SYT14: variants seen among roughly 807,000 people sequenced by gnomAD.
The protein encoded by SYT14 is synaptotagmin 14, also known as synaptotagmin-14.
Under a neutral mutation model 74.2 loss-of-function variants are expected in SYT14, and 32 were observed. The observed-to-expected ratio is 0.43, with a 90% confidence interval of 0.33 to 0.58. The LOEUF is 0.58. Among genes scored for constraint, SYT14 ranks in the 20% least tolerant of loss-of-function variants. The pLI, the probability that SYT14 is intolerant of heterozygous loss-of-function variation, is 0.05. For missense variants in SYT14, 791 were observed against 981.8 expected, an observed-to-expected ratio of 0.81 and a Z score of 2.60; for synonymous variants, 298 against 337.7, an observed-to-expected ratio of 0.88 and a Z score of 1.29.
At chr1:210,034,089 A>G (rs2080601013) in intron 5 of SYT14, among the ~76,000 whole-genome samples, 1 of 151,848 alleles carries the variant, frequency 6.6e-6, no homozygotes, top group Non-Finnish European at 1.5e-5. Flanking sequence ...TATTGTAAAC[A>G]TTTTACATAA....
intron 2 of SYT14, among the ~76,000 whole-genome samples, chr1:209,967,453 C>G (rs910967178): frequency 1.3e-5 from 2 of 152,036 alleles, no homozygotes; most frequent in Admixed American, 1.3e-4. Context: ...CATAAACCTT[C>G]TTTATGGGAA....
intron 7 of SYT14, among the ~76,000 whole-genome samples, chr1:210,100,780 A>C (rs1414335233): frequency 6.8e-6 from 1 of 146,566 alleles, no homozygotes; most frequent in Non-Finnish European, 1.5e-5. Flanking sequence ...CAAACTCCTT[A>C]TAGAATTTAT....
intron 2 of SYT14, among the ~76,000 whole-genome samples, chr1:209,983,871 T>C (rs1254172649): frequency 1.3e-5 from 2 of 152,236 alleles, no homozygotes. Context: ...TTTCTCATTT[T>C]TGGTTAGTAG....
At chr1:210,012,701 T>G (rs1346544059) in intron 2 of SYT14, among the ~76,000 whole-genome samples, 1 of 151,916 alleles carries the variant, frequency 6.6e-6, no homozygotes, top group African/African-American at 2.4e-5. Context: ...TTTTTCTTTC[T>G]TTCTTTCTTT....
chr1:210,137,754 C>G (rs1205019571), intron 7 of SYT14, among the ~76,000 whole-genome samples: 1 of 149,994 alleles, frequency 6.7e-6, no homozygotes, highest in Non-Finnish European at 1.5e-5. Context: ...AATCTCACCT[C>G]ACTGCAACCT....
At chr1:210,059,403 T>C (rs2081159140) in intron 5 of SYT14, among the ~76,000 whole-genome samples, 1 of 144,018 alleles carries the variant, frequency 6.9e-6, no homozygotes, top group African/African-American at 2.6e-5. Context: ...TATATATACC[T>C]GTATATGCAT....
chr1:210,003,313 T>C (rs896112945), intron 2 of SYT14, among the ~76,000 whole-genome samples: 1 of 152,202 alleles, frequency 6.6e-6, no homozygotes, highest in Non-Finnish European at 1.5e-5. Context: ...ACTTTTAAAA[T>C]AATTCTTGGT....
At chr1:210,130,978 T>C (rs2082661916) in intron 7 of SYT14, among the ~76,000 whole-genome samples, 1 of 152,228 alleles carries the variant, frequency 6.6e-6, no homozygotes, top group African/African-American at 2.4e-5. Context: ...AACAGTCTGT[T>C]TTGTGGCATA....
At chr1:210,081,062 A>T (rs2081606708) in intron 5 of SYT14, among the ~76,000 whole-genome samples, 1 of 152,336 alleles carries the variant, frequency 6.6e-6, no homozygotes, top group Admixed American at 6.5e-5. Flanking sequence ...ACCATAGCGC[A>T]TTGAGGAAAT....
At chr1:210,127,201 T>C (rs2082585793) in intron 7 of SYT14, among the ~76,000 whole-genome samples, 1 of 152,224 alleles carries the variant, frequency 6.6e-6, no homozygotes, top group Admixed American at 6.5e-5. Context: ...TAGGAGAACG[T>C]AAGTACCACT....
intron 7 of SYT14, among the ~76,000 whole-genome samples, chr1:210,145,226 C>G (rs1558220228): frequency 6.6e-6 from 1 of 152,134 alleles, no homozygotes; most frequent in Non-Finnish European, 1.5e-5. Flanking sequence ...AAAATGTGCA[C>G]AAAGCAAGTA....
rs74750196 is a variant in SYT14 at position 210,151,690 on chromosome 1, G to T, written c.2035-4031G>T. On this transcript the variant is annotated intron_variant, in intron 7 of 9. Transcript: ENST00000637265. ...TTTTTCTAGGGCATAAATTCATAAT[G>T]AACTCTTCTAGATAATAGTTTCTTG... Among the ~76,000 whole-genome samples, 872 of 152,194 alleles carry T rather than the reference G, an allele frequency of 5.7e-3. 11 individuals are homozygous for T. Among genetic ancestry groups the T allele is most frequent in the African/African-American group, 0.02 (848 of 41,530 alleles).
chr1:210,033,346 CATT>C (rs1336568705), intron 5 of SYT14, among the ~76,000 whole-genome samples: 4 of 151,638 alleles, frequency 2.6e-5, no homozygotes, highest in Non-Finnish European at 5.9e-5. Context: ...AACTGAATAT[CATT>C]AGTTTTGGGT....
intron 2 of SYT14, among the ~76,000 whole-genome samples, chr1:209,984,669 T>A (rs1395133403): frequency 2.0e-5 from 3 of 152,220 alleles, no homozygotes; most frequent in Non-Finnish European, 1.5e-5. Flanking sequence ...TATTAGTCCA[T>A]TCTTCTACTG....
exon 10 of SYT14, chr1:210,165,606 A>G (rs2083447680): frequency 6.6e-6 from 1 of 152,114 alleles, no homozygotes; most frequent in African/African-American, 2.4e-5. Context: ...GGTGAGACAA[A>G]AGATTTGTCT....
chr1:209,945,589 G>C (rs970788), intron 1 of SYT14, among the ~76,000 whole-genome samples: 19,506 of 152,192 alleles, frequency 0.13, 3,883 homozygotes, highest in African/African-American at 0.43. Flanking sequence ...ACTAATGCAT[G>C]TGCTTTGGAG....
At chr1:210,071,714 C>T (rs1374888496) in intron 5 of SYT14, among the ~76,000 whole-genome samples, 1 of 151,928 alleles carries the variant, frequency 6.6e-6, no homozygotes, top group African/African-American at 2.4e-5. Flanking sequence ...TTGGTTGCTA[C>T]ACTAAGAAAG....
At chr1:209,964,905 T>C (rs1446537542) in intron 2 of SYT14, among the ~76,000 whole-genome samples, 1 of 152,194 alleles carries the variant, frequency 6.6e-6, no homozygotes, top group Non-Finnish European at 1.5e-5. Context: ...AAACTACTTT[T>C]ATCAATTAAT....
chr1:210,110,048 A>G (rs2082232776), intron 7 of SYT14, among the ~76,000 whole-genome samples: 1 of 152,166 alleles, frequency 6.6e-6, no homozygotes, highest in Non-Finnish European at 1.5e-5. Flanking sequence ...GTTCTCACTC[A>G]TAAGTGGGAG....
Sources: gnomAD v4.1 joint callset for allele counts (sites outside exome capture counted in the v4.1 genomes callset) on GRCh38, gnomAD v4.1.1 for gene constraint, MANE v1.5 for transcripts, NCBI Gene and HGNC (gene_info 2026-07-23, HGNC 2026-07-21) for gene names.